The following NRAP variants were observed in gnomAD, a reference collection of about 807,000 sequenced individuals.
NRAP encodes the protein nebulin related anchoring protein, also known as nebulin-related-anchoring protein.
A neutral mutation model predicts 225.9 loss-of-function variants in NRAP; 189 were observed. The observed-to-expected ratio is 0.84, with a 90% CI of 0.74 to 0.94. NRAP has a LOEUF of 0.94. NRAP is among the 40% of genes least tolerant of loss of function. NRAP has a pLI of 0.00. For missense variants in NRAP, 2,176 were observed against 2,168.7 expected, an observed-to-expected ratio of 1.00 and a Z score of -0.07; for synonymous variants, 769 against 790.7, an observed-to-expected ratio of 0.97 and a Z score of 0.46.
At chr10:113,656,559 T>C (rs10885486) in intron 4 of NRAP, among the ~76,000 whole-genome samples, 43,087 of 152,168 alleles carry the variant, frequency 0.28, 6,200 homozygotes, top group Middle Eastern at 0.38. Flanking sequence ...TATACATATA[T>C]AATTTTCAAT....
Position 113,617,323 on chromosome 10 carries a change from C to T in NRAP, c.2973+132G>A, listed in dbSNP as rs375682386. 99 of 586,112 alleles carry T rather than the reference C, an allele frequency of 1.7e-4. No individual in the cohort carries two copies. In the East Asian group the frequency reaches 2.5e-3, roughly 15 times the overall value. 36.3% of individuals were successfully genotyped at this position (586,112 alleles called of 1,614,324 possible). A position where few individuals can be genotyped will look rare whatever the true frequency, so the allele number is the denominator to read the frequency against. On this transcript the variant is annotated intron_variant, in intron 26 of 41. Coordinates refer to ENST00000359988, the MANE Select transcript of NRAP (RefSeq NM_198060.4). ...GAAGCACCCCCCGCTAAGGGAGCCT[C>T]TGCAAAGGACAGGGAGCGCCTTCAT...
chr10:113,642,365 C>T (rs1849252907), intron 12 of NRAP, among the ~76,000 whole-genome samples: 2 of 152,138 alleles, frequency 1.3e-5, no homozygotes, highest in Non-Finnish European at 2.9e-5. Context: ...TACACAGTCC[C>T]TTGCAATTTT....
chr10:113,620,747 T>G (rs1847940169), intron 24 of NRAP, 39 bp from the exon 25 acceptor site: 4 of 1,418,746 alleles, frequency 2.8e-6, no homozygotes, highest in Admixed American at 3.4e-5. Context: ...AGCAGGCCAT[T>G]GTTGGTGCAC....
intron 32 of NRAP, 108 bp from the exon 33 acceptor site, chr10:113,606,390 C>T (rs1208540811): frequency 8.9e-6 from 6 of 677,228 alleles, no homozygotes; most frequent in Admixed American, 2.6e-5. Flanking sequence ...AGCAAAAAAC[C>T]GTTCATTGTG....
intron 38 of NRAP, among the ~76,000 whole-genome samples, chr10:113,595,031 AG>A: frequency 6.6e-6 from 1 of 152,246 alleles, no homozygotes; most frequent in Non-Finnish European, 1.5e-5. Flanking sequence ...TATTACAACC[AG>A]GGGCCTCCAA....
At chr10:113,626,980 G>A (rs190487152) in intron 20 of NRAP, among the ~76,000 whole-genome samples, 19 of 152,296 alleles carry the variant, frequency 1.2e-4, no homozygotes, top group Admixed American at 3.3e-4. Context: ...TGAAAACGGC[G>A]TGTGGAAGCA....
chr10:113,629,681 G>A lies in NRAP; in HGVS notation c.1947C>T (p.Asp649=). The part of the protein sequence containing the change: ...HAKKAQTLAS[D]LDYRKKLHEY... ...CATGCAGTTTCTTCCTGTAGTCCAG[G>A]TCACTGGCGAGAGTTTGGGCCTTCT... is the stretch of plus-strand genomic sequence containing the variant. Residue 649 remains aspartate, a synonymous_variant, in exon 19 of 42, where the codon GAC becomes GAT. Transcript: ENST00000359988. 1 of 1,613,914 alleles carries A rather than the reference G, an allele frequency of 6.2e-7. No individual in the cohort carries two copies.
intron 23 of NRAP, 138 bp from the exon 24 acceptor site, chr10:113,622,318 T>C: frequency 1.6e-6 from 1 of 623,496 alleles, no homozygotes; most frequent in Non-Finnish European, 2.8e-6. Context: ...AAGTTTGCCT[T>C]TTTGAGCATC....
At chr10:113,639,260 G>T (rs921399287) in intron 14 of NRAP, among the ~76,000 whole-genome samples, 1 of 152,146 alleles carries the variant, frequency 6.6e-6, no homozygotes, top group African/African-American at 2.4e-5. Context: ...CATTTGGAAA[G>T]CCCCTTTCAT....
In NRAP at chr10:113,629,027, A is replaced by G. The variant is rs1246268141; in HGVS notation, c.2041-6T>C. The stretch of plus-strand genomic sequence containing the variant: ...AGGTCAGCCTTGTACTGCAGCTACA[A>G]AAGAAAAACCACAAAGCTCTCATTG... On this transcript the variant is annotated splice_polypyrimidine_tract_variant and splice_region_variant and intron_variant, in intron 19 of 41. Transcript: ENST00000359988. The G allele has an allele frequency of 1.2e-6, 2 of 1,605,150 alleles. No individual in the cohort carries two copies. Among genetic ancestry groups the G allele is most frequent in the East Asian group, 2.2e-5 (1 of 44,858 alleles).
intron 11 of NRAP, 101 bp from the exon 12 acceptor site, chr10:113,643,139 C>T (rs1038992387): frequency 9.4e-6 from 6 of 636,622 alleles, no homozygotes; most frequent in Non-Finnish European, 1.7e-5. Context: ...AACTTTCAAC[C>T]CAAGATTTTA....
intron 28 of NRAP, 51 bp downstream of exon 28, chr10:113,614,788 G>A (rs1409341797): frequency 4.5e-6 from 5 of 1,115,362 alleles, no homozygotes; most frequent in Non-Finnish European, 6.9e-6. Flanking sequence ...CAAAAGGAGT[G>A]AAAACGGGTT....
chr10:113,655,129 T>G (rs898711444), intron 4 of NRAP, among the ~76,000 whole-genome samples: 1 of 152,174 alleles, frequency 6.6e-6, no homozygotes, highest in Non-Finnish European at 1.5e-5. Context: ...ACATCTAAAT[T>G]GAAACAAGAT....
chr10:113,663,757 G>T, intron 1 of NRAP, 54 bp downstream of exon 1: 2 of 1,257,062 alleles, frequency 1.6e-6, no homozygotes, highest in Non-Finnish European at 2.3e-6. Context: ...TATGTGAGAA[G>T]GTCAATTTCC....
chr10:113,617,820 T>C (rs939472933), intron 25 of NRAP, among the ~76,000 whole-genome samples: 1 of 151,914 alleles, frequency 6.6e-6, no homozygotes, highest in African/African-American at 2.4e-5. Flanking sequence ...TACTGTAGGA[T>C]ACACACTTAG....
intron 9 of NRAP, among the ~76,000 whole-genome samples, chr10:113,648,388 G>A (rs1849711515): frequency 7.2e-6 from 1 of 138,984 alleles, no homozygotes; most frequent in Non-Finnish European, 1.6e-5. Flanking sequence ...CTGCTCTATG[G>A]CTTTGTCCAT....
At chr10:113,659,246 G>A (rs528444058) in intron 3 of NRAP, among the ~76,000 whole-genome samples, 3 of 151,888 alleles carry the variant, frequency 2.0e-5, no homozygotes, top group Admixed American at 1.3e-4. Context: ...TTAATTATTT[G>A]TTGTGGAGTA....
At chr10:113,645,974 T>C (rs1849483619) in intron 10 of NRAP, 33 bp from the exon 11 acceptor site, 1 of 1,154,818 alleles carries the variant, frequency 8.7e-7, no homozygotes, top group African/African-American at 1.5e-5. Context: ...GGGCTGGAGT[T>C]GATGTTTCCA....
At position 113,588,981 on chromosome 10, in the gene NRAP, C is replaced by T; in HGVS notation, c.5187G>A (p.Leu1729=). Residue 1729 remains leucine, a synonymous_variant, in exon 42 of 42, where the codon CTG becomes CTA. Transcript: ENST00000359988. ...GAATCAGGGTGGACATGGCTCACAA[C>T]AGCAGGGCCTTCTTCTTTTTGACGT... ...ILHVKKKKAL[L]L 1.2e-6 allele frequency: 2 copies of T among 1,613,088 alleles called. No individual in the cohort carries two copies. The highest frequency in any genetic ancestry group is 1.7e-4 in the Middle Eastern group (1 of 6,058).
Sources: gnomAD v4.1 joint callset for allele counts (sites outside exome capture counted in the v4.1 genomes callset) on GRCh38, gnomAD v4.1.1 for gene constraint, MANE v1.5 for transcripts, NCBI Gene and HGNC (gene_info 2026-07-23, HGNC 2026-07-21) for gene names.